The following KCNMA1 variants were observed in gnomAD, a reference collection of about 807,000 sequenced individuals.
KCNMA1 encodes the protein potassium calcium-activated channel subfamily M alpha 1.
A neutral mutation model predicts 140.0 loss-of-function variants in KCNMA1; 29 were observed. The observed-to-expected ratio is 0.21, with a 90% confidence interval of 0.15 to 0.28. The LOEUF (loss-of-function observed/expected upper bound fraction) is 0.28, where lower values mean the gene tolerates loss of function less well. Ranked by LOEUF, KCNMA1 falls within the 10% of genes least tolerant of loss-of-function variation. The pLI, the probability that KCNMA1 is intolerant of heterozygous loss-of-function variation, is 1.00. For synonymous variants in KCNMA1, 612 were observed against 611.9 expected (o/e 1.00, Z 0.00); for missense variants, 880 against 1,602.2 (o/e 0.55, Z 7.70).
chr10:77,553,069 C>T lies in KCNMA1; in HGVS notation c.378+84196G>A, dbSNP rs568829961. ...CAAAAAACAAAACAAAACAAAAAAA[C>T]GCCGGGTGGCGGGGTGGGGAGGCGG... On this transcript the variant is annotated intron_variant, in intron 1 of 27. Coordinates refer to ENST00000286628, the MANE Select transcript of KCNMA1 (RefSeq NM_001161352.2). Among the ~76,000 whole-genome samples the T allele has an allele frequency of 1.7e-3, 254 of 152,052 alleles. 2 individuals are homozygous for T. Among genetic ancestry groups the T allele is most frequent in the Non-Finnish European group, 1.5e-3 (99 of 67,980 alleles).
chr10:77,281,436 A>G (rs1341441610), intron 2 of KCNMA1, among the ~76,000 whole-genome samples: 1 of 152,320 alleles, frequency 6.6e-6, no homozygotes, highest in East Asian at 1.9e-4. Flanking sequence ...ACAACTGTAC[A>G]TGGTGGCCAT....
In KCNMA1 at chr10:77,426,302, T is replaced by A. The variant is rs1245010883; in HGVS notation, c.379-22279A>T. Reference sequence around the variant, plus strand: ...GGCACTCATATAAAGCTTATATGACTTTTTTTTGTATATAACAGACATGTA... The same window carrying A: ...GGCACTCATATAAAGCTTATATGACATTTTTTTGTATATAACAGACATGTA... On this transcript the variant is annotated intron_variant, in intron 1 of 27. Transcript: ENST00000286628. Among the ~76,000 whole-genome samples the A allele has an allele frequency of 2.7e-5, 4 of 148,368 alleles. No individual in the cohort carries two copies. In the East Asian group the frequency reaches 7.7e-4, roughly 29 times the overall value.
At chr10:77,293,013 A>C (rs1177612923) in intron 2 of KCNMA1, among the ~76,000 whole-genome samples, 1 of 152,176 alleles carries the variant, frequency 6.6e-6, no homozygotes, top group Non-Finnish European at 1.5e-5. Context: ...CAATGGATCT[A>C]CCTTTGAAAG....
intron 2 of KCNMA1, among the ~76,000 whole-genome samples, chr10:77,308,315 C>G (rs1387369972): frequency 1.3e-5 from 2 of 152,178 alleles, no homozygotes; most frequent in Admixed American, 6.5e-5. Flanking sequence ...CAGACCTTGT[C>G]ACTGAAGTTC....
At chr10:77,527,908 A>G (rs554896585) in intron 1 of KCNMA1, among the ~76,000 whole-genome samples, 12 of 152,198 alleles carry the variant, frequency 7.9e-5, no homozygotes, top group Admixed American at 7.8e-4. Flanking sequence ...GGCTCCATCC[A>G]GGATGTTGTC....
chr10:77,037,569 G>A (rs1282125552), intron 15 of KCNMA1, among the ~76,000 whole-genome samples: 1 of 152,108 alleles, frequency 6.6e-6, no homozygotes, highest in Non-Finnish European at 1.5e-5. Flanking sequence ...GTAAGAGAAG[G>A]GTGGAAAAGC....
At chr10:77,361,780 G>A (rs1448029712) in intron 2 of KCNMA1, among the ~76,000 whole-genome samples, 1 of 152,208 alleles carries the variant, frequency 6.6e-6, no homozygotes. Flanking sequence ...GCCACTGCCC[G>A]TGGCTGGCCC....
intron 1 of KCNMA1, among the ~76,000 whole-genome samples, chr10:77,412,392 C>A (rs2096639131): frequency 6.6e-6 from 1 of 152,218 alleles, no homozygotes; most frequent in South Asian, 2.1e-4. Flanking sequence ...CCCATCTCCT[C>A]TCGTCTGTTG....
intron 19 of KCNMA1, among the ~76,000 whole-genome samples, chr10:76,989,048 T>C (rs1248733339): frequency 6.6e-6 from 1 of 152,126 alleles, no homozygotes; most frequent in Non-Finnish European, 1.5e-5. Flanking sequence ...GGCAGGGCCA[T>C]TTGTAGAGAC....
intron 1 of KCNMA1, among the ~76,000 whole-genome samples, chr10:77,472,889 G>T (rs1306116009): frequency 6.6e-6 from 1 of 152,178 alleles, no homozygotes; most frequent in Non-Finnish European, 1.5e-5. Context: ...GCTCAGGATG[G>T]GCTCCAGGTG....
chr10:77,438,458 G>A (rs762838798), intron 1 of KCNMA1, among the ~76,000 whole-genome samples: 1 of 151,792 alleles, frequency 6.6e-6, no homozygotes, highest in Non-Finnish European at 1.5e-5. Context: ...AGCTACTTGG[G>A]AAGCTGAGGC....
chr10:77,127,071 A>AACACACACACACACAC (rs60249347), intron 5 of KCNMA1, among the ~76,000 whole-genome samples: 2 of 146,374 alleles, frequency 1.4e-5, no homozygotes, highest in Non-Finnish European at 3.0e-5. Context: ...CACACACACA[A>AACACACACACACACAC]ACACACACAC....
At chr10:77,609,509 T>C (rs2085944025) in intron 1 of KCNMA1, among the ~76,000 whole-genome samples, 1 of 152,198 alleles carries the variant, frequency 6.6e-6, no homozygotes, top group African/African-American at 2.4e-5. Context: ...ATTCAAGACA[T>C]CTATTACTGT....
intron 2 of KCNMA1, among the ~76,000 whole-genome samples, chr10:77,284,731 C>A (rs190210952): frequency 1.3e-5 from 2 of 152,058 alleles, no homozygotes; most frequent in African/African-American, 4.8e-5. Flanking sequence ...CCAGGCTGGT[C>A]GTGAACTCCT....
At chr10:77,557,645 A>ATTTTT (rs148296325) in intron 1 of KCNMA1, among the ~76,000 whole-genome samples, 1 of 131,912 alleles carries the variant, frequency 7.6e-6, no homozygotes, top group Non-Finnish European at 1.6e-5. Context: ...CCAGGAAGTG[A>ATTTTT]TTTTTTTTTT....
At chr10:77,232,087 C>T (rs2053796231) in intron 3 of KCNMA1, among the ~76,000 whole-genome samples, 1 of 152,200 alleles carries the variant, frequency 6.6e-6, no homozygotes, top group Non-Finnish European at 1.5e-5. Context: ...TTTCAAGGTA[C>T]ACATATGTTG....
intron 3 of KCNMA1, among the ~76,000 whole-genome samples, chr10:77,238,246 G>C (rs956864633): frequency 6.6e-6 from 1 of 152,088 alleles, no homozygotes; most frequent in Non-Finnish European, 1.5e-5. Context: ...TGAGAAATAC[G>C]GCCTTGTACA....
intron 5 of KCNMA1, among the ~76,000 whole-genome samples, chr10:77,160,175 C>T (rs2098539873): frequency 6.6e-6 from 1 of 152,136 alleles, no homozygotes; most frequent in Non-Finnish European, 1.5e-5. Context: ...AGAGTAAATC[C>T]ACTCCAGTTA....
At position 77,220,662 on chromosome 10, in the gene KCNMA1, T is replaced by C. The variant is rs534753268; in HGVS notation, c.602+30533A>G. On this transcript the variant is annotated intron_variant, in intron 3 of 27. Transcript: ENST00000286628. ...GATTGTTTTAGTAGCCCTCTCTTCC[T>C]TTCCTGGGGAGTTTGAAACTATCTA... Among the ~76,000 whole-genome samples, 53 of 152,290 alleles carry C rather than the reference T, an allele frequency of 3.5e-4. No homozygotes were observed. The South Asian group carries it at 1.0e-2, about 29-fold the overall frequency.
Sources: allele counts gnomAD v4.1 joint callset (sites outside exome capture counted in the v4.1 genomes callset), GRCh38; gene constraint gnomAD v4.1.1; transcripts MANE v1.5; gene names NCBI Gene and HGNC (gene_info 2026-07-23, HGNC 2026-07-21).